The following NTM variants were observed in gnomAD, a reference collection of about 807,000 sequenced individuals.
NTM encodes neurotrimin, also known as IgLON family member 2.
Under a neutral mutation model 42.1 loss-of-function variants are expected in NTM, and 13 were observed. The ratio of observed to expected loss-of-function variants is 0.31; its 90% CI spans 0.20 to 0.49. The LOEUF is 0.49. Ranked by LOEUF, NTM falls within the 20% of genes least tolerant of loss-of-function variation. The pLI is 0.99. For missense variants in NTM, 373 were observed against 452.8 expected, an observed-to-expected ratio of 0.82 and a Z score of 1.60; for synonymous variants, 187 against 179.2, an observed-to-expected ratio of 1.04 and a Z score of -0.35.
chr11:131,760,261 G>C (rs965277103), intron 1 of NTM, among the ~76,000 whole-genome samples: 1 of 152,096 alleles, frequency 6.6e-6, no homozygotes, highest in African/African-American at 2.4e-5. Flanking sequence ...TGCATATTGC[G>C]GTTGATCATT....
At chr11:132,265,330 C>T (rs1036970072) in intron 4 of NTM, among the ~76,000 whole-genome samples, 4 of 152,166 alleles carry the variant, frequency 2.6e-5, no homozygotes, top group Non-Finnish European at 4.4e-5. Flanking sequence ...TGTACGCAAA[C>T]GTAGGCTTTA....
At chr11:131,745,005 A>C (rs1446169603) in intron 1 of NTM, among the ~76,000 whole-genome samples, 1 of 152,240 alleles carries the variant, frequency 6.6e-6, no homozygotes, top group African/African-American at 2.4e-5. Flanking sequence ...ACAGAGCTGC[A>C]AATGGTGATT....
At chr11:131,638,382 C>T (rs925591624) in intron 1 of NTM, among the ~76,000 whole-genome samples, 1 of 151,940 alleles carries the variant, frequency 6.6e-6, no homozygotes, top group African/African-American at 2.4e-5. Context: ...GCCTGGCCAA[C>T]ATGCTGAAAC....
intron 2 of NTM, among the ~76,000 whole-genome samples, chr11:132,135,694 C>G (rs10791208): frequency 0.24 from 37,114 of 152,164 alleles, 4,819 homozygotes; most frequent in South Asian, 0.33. Flanking sequence ...AACAGAGTCT[C>G]AGGCTGGGCT....
At chr11:131,633,571 A>T (rs115269877) in intron 1 of NTM, among the ~76,000 whole-genome samples, 1,162 of 68,544 alleles carry the variant, frequency 0.017, 18 homozygotes, top group African/African-American at 0.061. Context: ...CTCTCTCTCT[A>T]CCTCTCCATC....
chr11:131,866,965 G>A (rs2047283653), intron 1 of NTM, among the ~76,000 whole-genome samples: 1 of 152,192 alleles, frequency 6.6e-6, no homozygotes, highest in South Asian at 2.1e-4. Context: ...AGCAAGGACA[G>A]TGCGCGGCAG....
chr11:132,069,912 AAACAC>A (rs2057236881), intron 2 of NTM, among the ~76,000 whole-genome samples: 1 of 146,074 alleles, frequency 6.8e-6, no homozygotes, highest in Admixed American at 6.8e-5. Flanking sequence ...CACACAGCCA[AAACAC>A]GTCAAACTGA....
intron 1 of NTM, among the ~76,000 whole-genome samples, chr11:131,434,566 T>C (rs1948963618): frequency 6.6e-6 from 1 of 152,256 alleles, no homozygotes; most frequent in South Asian, 2.1e-4. Context: ...TTCATGTGTT[T>C]GTTGACTGCA....
chr11:131,669,458 G>A (rs955175520), intron 1 of NTM, among the ~76,000 whole-genome samples: 3 of 152,206 alleles, frequency 2.0e-5, no homozygotes, highest in African/African-American at 4.8e-5. Context: ...TCCATTAAGT[G>A]CTTCATAGAT....
At chr11:132,125,195 A>G (rs561142909) in intron 2 of NTM, among the ~76,000 whole-genome samples, 4 of 152,116 alleles carry the variant, frequency 2.6e-5, no homozygotes, top group Non-Finnish European at 5.9e-5. Context: ...GAATCAGGAA[A>G]GGATGTTTTC....
chr11:132,058,306 C>T lies in NTM; in HGVS notation c.168-87976C>T, dbSNP rs568596361. On this transcript the variant is annotated intron_variant, in intron 2 of 8. Coordinates refer to ENST00000683400, the MANE Select transcript of NTM (RefSeq NM_001352005.2). ...CTGGTTTCGGTAAAAATGGGGAAGGCGTGGAATGTGCTATGGGGCAGTGCT... is the reference window on the plus strand; with the variant it reads ...CTGGTTTCGGTAAAAATGGGGAAGGTGTGGAATGTGCTATGGGGCAGTGCT... Among the ~76,000 whole-genome samples the T allele has an allele frequency of 3.9e-5, 6 of 152,214 alleles. No homozygotes were observed. In the East Asian group the frequency reaches 5.8e-4, roughly 15 times the overall value.
chr11:131,859,439 C>T (rs2046406757), intron 1 of NTM, among the ~76,000 whole-genome samples: 1 of 152,180 alleles, frequency 6.6e-6, no homozygotes, highest in South Asian at 2.1e-4. Context: ...AAGAGTATGA[C>T]TGCCTCTTGT....
intron 2 of NTM, among the ~76,000 whole-genome samples, chr11:131,987,820 A>G (rs550773546): frequency 6.6e-6 from 1 of 152,358 alleles, no homozygotes; most frequent in Non-Finnish European, 1.5e-5. Flanking sequence ...ACTCAGTCAA[A>G]GATTAGCAAT....
At chr11:132,252,505 C>T (rs1245130752) in intron 4 of NTM, among the ~76,000 whole-genome samples, 3 of 152,144 alleles carry the variant, frequency 2.0e-5, no homozygotes, top group Non-Finnish European at 2.9e-5. Flanking sequence ...AAAAGAAAGC[C>T]TGGAACAACA....
intron 1 of NTM, among the ~76,000 whole-genome samples, chr11:131,470,854 G>A (rs1328374536): frequency 6.6e-6 from 1 of 152,186 alleles, no homozygotes; most frequent in Non-Finnish European, 1.5e-5. Flanking sequence ...CAAGCCAGAG[G>A]CAGAGAAGTG....
At chr11:132,210,720 G>A (rs1312102563) in intron 3 of NTM, among the ~76,000 whole-genome samples, 2 of 152,194 alleles carry the variant, frequency 1.3e-5, no homozygotes, top group Non-Finnish European at 2.9e-5. Context: ...TTCTACGACT[G>A]GACCCCGGAA....
rs77523462 is a variant in NTM at position 131,480,528 on chromosome 11, C to A, written c.82+109640C>A. 5.6e-3 allele frequency among the ~76,000 whole-genome samples: 853 copies of A among 152,288 alleles called. 9 individuals are homozygous for A. The highest frequency in any genetic ancestry group is 0.019 in the African/African-American group (804 of 41,538). The stretch of plus-strand genomic sequence containing the variant: ...AGCTTGTGTACAACTTCCCTAAATG[C>A]CACAAATGCTTCAGAACAAGTGTGG... On this transcript the variant is annotated intron_variant, in intron 1 of 8. Coordinates refer to ENST00000683400, the MANE Select transcript of NTM (RefSeq NM_001352005.2).
intron 1 of NTM, among the ~76,000 whole-genome samples, chr11:131,436,915 G>T (rs924747516): frequency 6.6e-6 from 1 of 152,130 alleles, no homozygotes; most frequent in Non-Finnish European, 1.5e-5. Context: ...TCTCTTGTGG[G>T]CATTTAGTGG....
At chr11:131,601,933 G>A (rs891234347) in intron 1 of NTM, among the ~76,000 whole-genome samples, 5 of 152,144 alleles carry the variant, frequency 3.3e-5, no homozygotes, top group Non-Finnish European at 5.9e-5. Flanking sequence ...CTCTGATGAA[G>A]CAACAGGCAC....
Sources: allele counts gnomAD v4.1 joint callset (sites outside exome capture counted in the v4.1 genomes callset), GRCh38; gene constraint gnomAD v4.1.1; transcripts MANE v1.5; gene names NCBI Gene and HGNC (gene_info 2026-07-23, HGNC 2026-07-21).